SOX5: variants seen among roughly 807,000 people sequenced by gnomAD.
The protein encoded by SOX5 is transcription factor SOX-5.
In SOX5, 9 loss-of-function variants were observed where a neutral mutation model predicts 92.0. The observed-to-expected ratio is 0.10, with a 90% CI of 0.06 to 0.17. The LOEUF (loss-of-function observed/expected upper bound fraction) is 0.17. SOX5 is among the 10% of genes least tolerant of loss of function. SOX5 has a pLI of 1.00. For missense variants in SOX5, 642 were observed against 944.5 expected (o/e 0.68, Z 4.20); for synonymous variants, 344 against 336.3 (o/e 1.02, Z -0.25).
chr12:24,197,828 C>T (rs759366423), intron 4 of SOX5, among the ~76,000 whole-genome samples: 2 of 152,126 alleles, frequency 1.3e-5, no homozygotes, highest in East Asian at 1.9e-4. Flanking sequence ...CACTGTCACT[C>T]GGGTTCCTGT....
intron 11 of SOX5, among the ~76,000 whole-genome samples, chr12:23,551,612 G>A (rs534112528): frequency 2.3e-4 from 35 of 151,794 alleles, no homozygotes; most frequent in Non-Finnish European, 3.8e-4. Flanking sequence ...GAATTTATCC[G>A]TGAGAATAGC....
chr12:23,744,004 C>A (rs952957209), intron 4 of SOX5, among the ~76,000 whole-genome samples: 6 of 152,130 alleles, frequency 3.9e-5, no homozygotes, highest in African/African-American at 9.7e-5. Context: ...AACAAAATTT[C>A]TAATTTTATA....
intron 7 of SOX5, among the ~76,000 whole-genome samples, chr12:23,649,567 T>A (rs2081295562): frequency 6.6e-6 from 1 of 152,112 alleles, no homozygotes; most frequent in Non-Finnish European, 1.5e-5. Flanking sequence ...AATTTGCTTC[T>A]TATTTCAAGA....
intron 3 of SOX5, among the ~76,000 whole-genome samples, chr12:23,782,649 A>G (rs1177354549): frequency 6.6e-6 from 1 of 152,166 alleles, no homozygotes; most frequent in Non-Finnish European, 1.5e-5. Flanking sequence ...TCTTAAAACT[A>G]GTTTGTTCTA....
chr12:24,551,699 GT>G (rs1302064276), intron 1 of SOX5, among the ~76,000 whole-genome samples: 1 of 152,116 alleles, frequency 6.6e-6, no homozygotes, highest in Non-Finnish European at 1.5e-5. Context: ...TTGGGTTAGT[GT>G]TTTTCATTGT....
chr12:24,041,647 C>T (rs1481182768), intron 4 of SOX5, among the ~76,000 whole-genome samples: 2 of 152,006 alleles, frequency 1.3e-5, no homozygotes, highest in South Asian at 2.1e-4. Flanking sequence ...TTTCCATGAT[C>T]GAACTCTACT....
At chr12:24,206,820 T>C (rs749133383) in intron 4 of SOX5, among the ~76,000 whole-genome samples, 1 of 152,212 alleles carries the variant, frequency 6.6e-6, no homozygotes, top group Non-Finnish European at 1.5e-5. Flanking sequence ...CTGTGGCTTG[T>C]ATTTTCCCCA....
At chr12:24,027,993 G>A (rs1048695020) in intron 4 of SOX5, among the ~76,000 whole-genome samples, 3 of 151,898 alleles carry the variant, frequency 2.0e-5, no homozygotes, top group African/African-American at 4.8e-5. Flanking sequence ...CTGTTACTCT[G>A]TATTCCTCAT....
intron 4 of SOX5, among the ~76,000 whole-genome samples, chr12:24,006,619 G>T (rs1353990094): frequency 6.6e-6 from 1 of 152,048 alleles, no homozygotes; most frequent in Non-Finnish European, 1.5e-5. Flanking sequence ...CTCCTTCCAG[G>T]ATTGGGTAGA....
chr12:24,171,444 C>T (rs968051526), intron 4 of SOX5, among the ~76,000 whole-genome samples: 4 of 151,822 alleles, frequency 2.6e-5, no homozygotes, highest in East Asian at 1.9e-4. Context: ...AGGATGGTCT[C>T]GATCTCCTGA....
chr12:24,219,338 T>C (rs574803439), intron 3 of SOX5, among the ~76,000 whole-genome samples: 63 of 152,148 alleles, frequency 4.1e-4, no homozygotes, highest in Non-Finnish European at 7.8e-4. Context: ...GAAACGATAA[T>C]TGCTTGAGTT....
chr12:23,901,359 G>A (rs1303478995), intron 1 of SOX5, among the ~76,000 whole-genome samples: 9 of 152,114 alleles, frequency 5.9e-5, no homozygotes. Flanking sequence ...CTCCAAAACT[G>A]TAAAAGAATA....
chr12:23,904,777 G>A (rs567664972), intron 1 of SOX5, among the ~76,000 whole-genome samples: 1 of 152,278 alleles, frequency 6.6e-6, no homozygotes, highest in South Asian at 2.1e-4. Context: ...TCTGCATTGA[G>A]ATCAAGTACT....
chr12:24,098,601 CT>C (rs1945709635), intron 4 of SOX5, among the ~76,000 whole-genome samples: 1 of 152,086 alleles, frequency 6.6e-6, no homozygotes, highest in Non-Finnish European at 1.5e-5. Context: ...AAATATTGTT[CT>C]TGAATATCAG....
At chr12:24,314,257 C>G (rs2140836381) in intron 2 of SOX5, among the ~76,000 whole-genome samples, 1 of 151,960 alleles carries the variant, frequency 6.6e-6, no homozygotes, top group South Asian at 2.1e-4. Context: ...CCAGCTTCAT[C>G]CATGTCCCTA....
chr12:24,102,455 G>A (rs1946202334), intron 4 of SOX5, among the ~76,000 whole-genome samples: 1 of 152,124 alleles, frequency 6.6e-6, no homozygotes, highest in South Asian at 2.1e-4. Flanking sequence ...ATTAGCAAAG[G>A]TGCTTTTAAT....
intron 6 of SOX5, among the ~76,000 whole-genome samples, chr12:23,676,863 A>G (rs899294024): frequency 6.6e-6 from 1 of 152,178 alleles, no homozygotes; most frequent in Non-Finnish European, 1.5e-5. Flanking sequence ...TTAGGTTGAC[A>G]TTATTTGTGT....
At chr12:24,152,931 T>C (rs1304588429) in intron 4 of SOX5, among the ~76,000 whole-genome samples, 1 of 152,150 alleles carries the variant, frequency 6.6e-6, no homozygotes, top group Non-Finnish European at 1.5e-5. Flanking sequence ...CTCTGTTTTA[T>C]TACAAAAACA....
chr12:24,249,905 C>T (rs929119357), intron 3 of SOX5, among the ~76,000 whole-genome samples: 3 of 151,992 alleles, frequency 2.0e-5, no homozygotes, highest in African/African-American at 7.3e-5. Context: ...CTTTCCTATT[C>T]AAGTTGATTT....
Sources: gnomAD v4.1 joint callset for allele counts (sites outside exome capture counted in the v4.1 genomes callset) on GRCh38, gnomAD v4.1.1 for gene constraint, MANE v1.5 for transcripts, NCBI Gene and HGNC (gene_info 2026-07-23, HGNC 2026-07-21) for gene names.